RAB3B: variants seen among roughly 807,000 people sequenced by gnomAD.
RAB3B encodes ras-related protein Rab-3B.
A neutral mutation model predicts 20.5 loss-of-function variants in RAB3B; 11 were observed. The observed-to-expected ratio is 0.54, with a 90% CI of 0.34 to 0.89. The LOEUF is 0.89. Among genes scored for constraint, RAB3B ranks in the 40% least tolerant of loss-of-function variants. The pLI is 0.02. For missense variants in RAB3B, 225 were observed against 280.9 expected, an observed-to-expected ratio of 0.80 and a Z score of 1.42; for synonymous variants, 99 against 106.3, an observed-to-expected ratio of 0.93 and a Z score of 0.42.
chr1:51,957,269 A>T (rs1348441991), intron 2 of RAB3B, among the ~76,000 whole-genome samples: 1 of 152,158 alleles, frequency 6.6e-6, no homozygotes, highest in Non-Finnish European at 1.5e-5. Context: ...ATATTTTAAC[A>T]ATATTCCCTG....
intron 2 of RAB3B, among the ~76,000 whole-genome samples, chr1:51,973,888 T>C (rs1276799484): frequency 1.3e-5 from 2 of 152,190 alleles, no homozygotes; most frequent in African/African-American, 2.4e-5. Flanking sequence ...GACCATCTGA[T>C]ATGGGGGTCA....
intron 2 of RAB3B, among the ~76,000 whole-genome samples, chr1:51,947,462 C>T (rs1011633231): frequency 1.3e-5 from 2 of 151,952 alleles, no homozygotes; most frequent in African/African-American, 2.4e-5. Flanking sequence ...GCCTAAAGTC[C>T]AACCTGATTT....
At chr1:51,956,171 T>C (rs560163715) in intron 2 of RAB3B, among the ~76,000 whole-genome samples, 3 of 152,334 alleles carry the variant, frequency 2.0e-5, no homozygotes, top group African/African-American at 7.2e-5. Context: ...GCGCCTTGGA[T>C]TCTCCTCTTT....
At chr1:51,967,505 C>CTTTT (rs1416217737) in intron 2 of RAB3B, among the ~76,000 whole-genome samples, 1 of 41,624 alleles carries the variant, frequency 2.4e-5, no homozygotes, top group South Asian at 1.2e-3. Flanking sequence ...TTTCCTTTTT[C>CTTTT]TTTTCTTTTC....
At chr1:51,974,066 G>C (rs1244495452) in intron 2 of RAB3B, among the ~76,000 whole-genome samples, 18 of 152,230 alleles carry the variant, frequency 1.2e-4, no homozygotes, top group Admixed American at 1.1e-3. Flanking sequence ...AGATCTCTTT[G>C]ACCCCCAATC....
intron 4 of RAB3B, among the ~76,000 whole-genome samples, chr1:51,924,205 G>A (rs939359343): frequency 6.6e-6 from 1 of 152,196 alleles, no homozygotes; most frequent in Non-Finnish European, 1.5e-5. Flanking sequence ...GCTGGGCATT[G>A]GGGACAGCAA....
chr1:51,941,492 TAAC>T (rs1684493617), intron 2 of RAB3B, among the ~76,000 whole-genome samples: 2 of 152,132 alleles, frequency 1.3e-5, no homozygotes, highest in Non-Finnish European at 2.9e-5. Flanking sequence ...GCTAGAGTGG[TAAC>T]AACAGGCATA....
At chr1:51,969,645 C>T (rs1024275444) in intron 2 of RAB3B, among the ~76,000 whole-genome samples, 4 of 151,964 alleles carry the variant, frequency 2.6e-5, no homozygotes, top group African/African-American at 4.8e-5. Flanking sequence ...CGCCCCATCT[C>T]TCTGACTCCT....
intron 2 of RAB3B, among the ~76,000 whole-genome samples, chr1:51,956,484 C>T (rs1460536176): frequency 6.6e-6 from 1 of 152,150 alleles, no homozygotes; most frequent in Admixed American, 6.5e-5. Context: ...GGATGCTAAA[C>T]TTATCCCTGG....
At chr1:51,980,205 G>C (rs1404797393) in intron 1 of RAB3B, among the ~76,000 whole-genome samples, 1 of 152,192 alleles carries the variant, frequency 6.6e-6, no homozygotes, top group African/African-American at 2.4e-5. Context: ...AAAGTGGGAG[G>C]ATGGCTTCAG....
chr1:51,953,025 T>C (rs917576782), intron 2 of RAB3B, among the ~76,000 whole-genome samples: 1 of 152,196 alleles, frequency 6.6e-6, no homozygotes, highest in African/African-American at 2.4e-5. Context: ...TGACTATTAA[T>C]TATGACCTAT....
intron 4 of RAB3B, among the ~76,000 whole-genome samples, chr1:51,928,259 AC>A (rs1406646129): frequency 6.6e-6 from 1 of 152,074 alleles, no homozygotes; most frequent in Non-Finnish European, 1.5e-5. Context: ...GGCATGCACC[AC>A]CACGCCTGGC....
intron 3 of RAB3B, among the ~76,000 whole-genome samples, chr1:51,934,442 G>A (rs2124251437): frequency 6.6e-6 from 1 of 152,222 alleles, no homozygotes; most frequent in South Asian, 2.1e-4. Context: ...TGTCAGCAGT[G>A]GTTACCTTCA....
chr1:51,909,977 A>T lies in RAB3B; in HGVS notation c.*9950T>A, dbSNP rs1164384705. 2 of 152,174 alleles carry T rather than the reference A, an allele frequency of 1.3e-5. No individual in the cohort carries two copies. The highest frequency in any genetic ancestry group is 2.9e-5 in the Non-Finnish European group (2 of 68,042). The allele number at this position is 152,174 out of a possible 1,614,324, so 9.4% of individuals were successfully genotyped here. On this transcript the variant is annotated 3_prime_UTR_variant, in exon 5 of 5. Coordinates refer to ENST00000371655, the MANE Select transcript of RAB3B (RefSeq NM_002867.4). Reference sequence around the variant, plus strand: ...GCACTGCACTAAGGGTTTTACACCCATTCTCCATTTAATCCTTTCAACAGC... The same window carrying T: ...GCACTGCACTAAGGGTTTTACACCCTTTCTCCATTTAATCCTTTCAACAGC...
chr1:51,973,511 G>A (rs1056019292), intron 2 of RAB3B: 6 of 152,090 alleles, frequency 3.9e-5, no homozygotes, highest in South Asian at 4.1e-4. Context: ...TGACTATGTC[G>A]TATCTAATTA....
chr1:51,985,132 T>C (rs1400013410), intron 1 of RAB3B, among the ~76,000 whole-genome samples: 1 of 152,230 alleles, frequency 6.6e-6, no homozygotes, highest in Non-Finnish European at 1.5e-5. Context: ...AGTAGTACTA[T>C]ACGTAAACAA....
rs1200458596 is a variant in RAB3B at position 51,976,911 on chromosome 1, C to A, written c.207G>T (p.Lys69Asn). Residue 69 changes from lysine (K) to asparagine (N), a missense_variant, in exon 2 of 5, where the codon AAG becomes AAT. Transcript: ENST00000371655. ...FKVKTVYRHE[K>N]RVKLQIWDTA... is the part of the protein sequence containing the mutation. ...TCACCCAGATCTGCAGTTTCACCCG[C>A]TTCTCGTGACGGTAGACTGTCTTCA... is the stretch of plus-strand genomic sequence containing the variant. The A allele has an allele frequency of 5.0e-6, 8 of 1,614,084 alleles. No homozygotes were observed. Among genetic ancestry groups the A allele is most frequent in the Non-Finnish European group, 6.8e-6 (8 of 1,180,030 alleles).
chr1:51,934,797 A>C (rs1684375083), intron 3 of RAB3B, among the ~76,000 whole-genome samples: 2 of 151,262 alleles, frequency 1.3e-5, no homozygotes, highest in Admixed American at 6.6e-5. Flanking sequence ...AAAAAAAAAA[A>C]ACCTTTTCAA....
intron 1 of RAB3B, among the ~76,000 whole-genome samples, chr1:51,978,053 T>C (rs542635116): frequency 6.6e-6 from 1 of 152,296 alleles, no homozygotes; most frequent in East Asian, 1.9e-4. Flanking sequence ...GAATTCTCTT[T>C]TCCTCCTAAA....
Sources: allele counts gnomAD v4.1 joint callset (sites outside exome capture counted in the v4.1 genomes callset), GRCh38; gene constraint gnomAD v4.1.1; transcripts MANE v1.5; gene names NCBI Gene and HGNC (gene_info 2026-07-23, HGNC 2026-07-21).